EVI5: variants seen among roughly 807,000 people sequenced by gnomAD.
The protein encoded by EVI5 is ecotropic viral integration site 5 protein homolog.
A neutral mutation model predicts 112.0 loss-of-function variants in EVI5; 73 were observed. That is an observed-to-expected ratio of 0.65 (90% confidence interval 0.54 to 0.79). The LOEUF is 0.79. Ranked by LOEUF, EVI5 falls within the 30% of genes least tolerant of loss-of-function variation. The probability of loss-of-function intolerance (pLI) is 0.00; values close to 1 mark genes in which losing one functional copy is unlikely to be tolerated. For synonymous variants in EVI5, 305 were observed against 319.9 expected, an observed-to-expected ratio of 0.95 and a Z score of 0.50; for missense variants, 900 against 968.8, an observed-to-expected ratio of 0.93 and a Z score of 0.94.
intron 18 of EVI5, among the ~76,000 whole-genome samples, chr1:92,603,863 C>T (rs572698225): frequency 2.6e-5 from 4 of 151,986 alleles, no homozygotes; most frequent in South Asian, 2.1e-4. Flanking sequence ...TAAGTAACCG[C>T]GACTGGGACT....
upstream of EVI5, chr1:92,785,183 C>G: frequency 1.2e-6 from 1 of 852,082 alleles, no homozygotes; most frequent in Non-Finnish European, 1.4e-6. Flanking sequence ...AGGTTAGGGG[C>G]CGGGCGGGCC....
intron 14 of EVI5, among the ~76,000 whole-genome samples, chr1:92,627,001 T>G (rs1224613224): frequency 6.6e-6 from 1 of 152,224 alleles, no homozygotes; most frequent in Admixed American, 6.5e-5. Context: ...ACTTGATTCA[T>G]GGATACAAGG....
chr1:92,789,188 T>C (rs1212777702), upstream of EVI5, among the ~76,000 whole-genome samples: 1 of 152,224 alleles, frequency 6.6e-6, no homozygotes, highest in East Asian at 1.9e-4. Flanking sequence ...AAATCCTGTT[T>C]TGTCTTTTTG....
chr1:92,652,133 A>C (rs1332985892), intron 13 of EVI5, among the ~76,000 whole-genome samples: 1 of 152,246 alleles, frequency 6.6e-6, no homozygotes, highest in African/African-American at 2.4e-5. Context: ...AACAAAACGT[A>C]GTATATACAT....
chr1:92,537,399 TA>T (rs1423992905), intron 19 of EVI5, among the ~76,000 whole-genome samples: 1 of 152,196 alleles, frequency 6.6e-6, no homozygotes, highest in African/African-American at 2.4e-5. Context: ...CAATTTTAAA[TA>T]ACAATGTATT....
Position 92,748,354 on chromosome 1 carries a change from T to C in EVI5, c.-81-11727A>G, listed in dbSNP as rs142869186. The stretch of plus-strand genomic sequence containing the variant: ...CAACCACCAGGCACAAATGTGAACA[T>C]ACCCCCAACTGATTCTAGGCCCTAA... On this transcript the variant is annotated intron_variant, in intron 1 of 19. Coordinates refer to ENST00000684568, the MANE Select transcript of EVI5 (RefSeq NM_001350197.2). Among the ~76,000 whole-genome samples the C allele has an allele frequency of 1.2e-3, 189 of 152,268 alleles. 1 individual carries two copies. The highest frequency in any genetic ancestry group is 4.4e-3 in the African/African-American group (184 of 41,556).
chr1:92,670,254 T>C (rs563958094), intron 10 of EVI5, among the ~76,000 whole-genome samples: 1 of 152,290 alleles, frequency 6.6e-6, no homozygotes, highest in Non-Finnish European at 1.5e-5. Context: ...AAAACAACCT[T>C]ATATCCTGAA....
rs1158081849 is a variant in EVI5 at position 92,551,665 on chromosome 1, A to G, written c.2166+11977T>C. The stretch of plus-strand genomic sequence containing the variant: ...AAATGGTTTTAGATGTTTATATTTC[A>G]TTTTCTCATGTCTGCGACCTAGTAA... On this transcript the variant is annotated intron_variant, in intron 19 of 19. Transcript: ENST00000684568. 2.6e-5 allele frequency among the ~76,000 whole-genome samples: 4 copies of G among 152,212 alleles called. 1 individual carries two copies. The highest frequency in any genetic ancestry group is 3.9e-4 in the East Asian group (2 of 5,182).
intron 14 of EVI5, 90 bp from the exon 15 acceptor site, chr1:92,626,024 G>A (rs1655596029): frequency 1.3e-6 from 1 of 749,350 alleles, no homozygotes; most frequent in South Asian, 1.9e-5. Flanking sequence ...ACACTTAAAT[G>A]TATTTAATTT....
At chr1:92,538,142 C>A (rs1664199915) in intron 19 of EVI5, among the ~76,000 whole-genome samples, 1 of 152,102 alleles carries the variant, frequency 6.6e-6, no homozygotes, top group Non-Finnish European at 1.5e-5. Context: ...GTATTGTGGG[C>A]AAACAAAATG....
chr1:92,768,592 TG>T (rs1307809552), intron 1 of EVI5, among the ~76,000 whole-genome samples: 1 of 152,198 alleles, frequency 6.6e-6, no homozygotes, highest in Non-Finnish European at 1.5e-5. Context: ...AAATCTTGGC[TG>T]GGTGTGGTGA....
intron 14 of EVI5, among the ~76,000 whole-genome samples, chr1:92,632,370 G>A (rs1297555901): frequency 6.6e-6 from 1 of 152,120 alleles, no homozygotes; most frequent in Non-Finnish European, 1.5e-5. Context: ...CCTGTTATTG[G>A]TCTATTCAGA....
intron 18 of EVI5, among the ~76,000 whole-genome samples, chr1:92,594,993 A>G (rs1362993964): frequency 1.1e-4 from 17 of 152,140 alleles, no homozygotes; most frequent in Admixed American, 5.2e-4. Flanking sequence ...CAACCATTGT[A>G]GAAGTCAGTG....
At chr1:92,742,686 A>G (rs1334827490) in intron 1 of EVI5, among the ~76,000 whole-genome samples, 1 of 152,012 alleles carries the variant, frequency 6.6e-6, no homozygotes. Context: ...AAAAAAAAAA[A>G]TTAAATTAAA....
In EVI5 at chr1:92,696,643, G is replaced by GA. The variant is rs35579313; in HGVS notation, c.766-1191dup. On this transcript the variant is annotated intron_variant, in intron 6 of 19. Transcript: ENST00000684568. The stretch of plus-strand genomic sequence containing the variant: ...CAGAGCTAGATAGACTCTGTCTCAG[G>GA]AAAAAAAAAAAAATCATCTCAAAAC... 3.3e-3 allele frequency among the ~76,000 whole-genome samples: 454 copies of GA among 135,878 alleles called. 6 individuals are homozygous for GA. The highest frequency in any genetic ancestry group is 8.0e-3 in the Admixed American group (109 of 13,620). 89.1% of individuals were successfully genotyped at this position (135,878 alleles called of 152,430 possible). A position where few individuals can be genotyped will look rare whatever the true frequency, so the allele number is the denominator to read the frequency against.
intron 16 of EVI5, among the ~76,000 whole-genome samples, chr1:92,616,387 G>C (rs189308061): frequency 6.6e-6 from 1 of 152,102 alleles, no homozygotes; most frequent in African/African-American, 2.4e-5. Context: ...CTGAGGTGCC[G>C]GGGCCAAGTG....
chr1:92,592,550 G>A (rs1246687574), intron 18 of EVI5, among the ~76,000 whole-genome samples: 3 of 152,010 alleles, frequency 2.0e-5, no homozygotes, highest in African/African-American at 7.3e-5. Context: ...ACTAGCAGAA[G>A]GCAAGAAATA....
intron 13 of EVI5, among the ~76,000 whole-genome samples, chr1:92,646,149 A>C (rs984741836): frequency 1.3e-5 from 2 of 152,262 alleles, no homozygotes; most frequent in East Asian, 3.8e-4. Context: ...TCATTTATTT[A>C]GTCTTTTTAA....
intron 9 of EVI5, among the ~76,000 whole-genome samples, chr1:92,686,826 A>G (rs1263926042): frequency 2.0e-5 from 3 of 152,058 alleles, no homozygotes; most frequent in Non-Finnish European, 4.4e-5. Flanking sequence ...TGGGAATACA[A>G]CTTACAAGGG....
Sources: allele counts gnomAD v4.1 joint callset (sites outside exome capture counted in the v4.1 genomes callset), GRCh38; gene constraint gnomAD v4.1.1; transcripts MANE v1.5; gene names NCBI Gene and HGNC (gene_info 2026-07-23, HGNC 2026-07-21).